Variants in DDHD2 observed in about 807,000 individuals in gnomAD.
The protein encoded by DDHD2 is triacylglycerol hydrolase DDHD2.
A neutral mutation model predicts 91.2 loss-of-function variants in DDHD2; 62 were observed. The ratio of observed to expected loss-of-function variants is 0.68; its 90% CI spans 0.55 to 0.84. The LOEUF is 0.84. DDHD2 is among the 40% of genes least tolerant of loss of function. The pLI, the probability that DDHD2 is intolerant of heterozygous loss-of-function variation, is 0.00. For synonymous variants in DDHD2, 271 were observed against 293.9 expected, an observed-to-expected ratio of 0.92 and a Z score of 0.80; for missense variants, 740 against 846.9, an observed-to-expected ratio of 0.87 and a Z score of 1.57.
downstream of DDHD2, chr8:38,272,804 T>C (rs1260984759): frequency 6.6e-6 from 1 of 152,216 alleles, no homozygotes; most frequent in Non-Finnish European, 1.5e-5. Context: ...GTGAGCAATG[T>C]CTTTTGGAAT....
At chr8:38,267,652 A>C, downstream of DDHD2, 1 of 620,504 alleles carries the variant, frequency 1.6e-6, no homozygotes, top group Non-Finnish European at 2.8e-6. Flanking sequence ...GGAGGTGCTC[A>C]AGAGGACACT....
chr8:38,232,905 A>G, intron 1 of DDHD2, 82 bp from the exon 2 acceptor site: 2 of 886,548 alleles, frequency 2.3e-6, no homozygotes, highest in Non-Finnish European at 3.5e-6. Flanking sequence ...TGGCTCCGTA[A>G]AATGATTAGT....
chr8:38,250,612 C>T (rs1436692261), intron 11 of DDHD2: 1 of 152,030 alleles, frequency 6.6e-6, no homozygotes, highest in African/African-American at 2.4e-5. Flanking sequence ...TGGAATTCTC[C>T]TACCATTTAT....
At position 38,232,978 on chromosome 8, in the gene DDHD2, T is replaced by G; in HGVS notation, c.-8-9T>G. On this transcript the variant is annotated splice_polypyrimidine_tract_variant and intron_variant, in intron 1 of 17. Coordinates refer to ENST00000397166, the MANE Select transcript of DDHD2 (RefSeq NM_015214.3). Reference sequence around the variant, plus strand: ...GTTCGTTTTCCTGATAGTTTTCTTTTGTCTTTAGAGAGCGAAATGTCATCA... The same window carrying G: ...GTTCGTTTTCCTGATAGTTTTCTTTGGTCTTTAGAGAGCGAAATGTCATCA... 1 of 1,607,880 alleles carries G rather than the reference T, an allele frequency of 6.2e-7. No homozygotes were observed. The highest frequency in any genetic ancestry group is 2.2e-5 in the East Asian group (1 of 44,818).
intron 1 of DDHD2, chr8:38,268,468 CAG>C: frequency 6.4e-7 from 1 of 1,563,138 alleles, no homozygotes; most frequent in African/African-American, 1.4e-5. Context: ...TAACCTGAAT[CAG>C]AATGTCAGAG....
chr8:38,242,098 C>T lies in DDHD2; in HGVS notation c.713-152C>T, dbSNP rs1805309608. 3 of 611,166 alleles carry T rather than the reference C, an allele frequency of 4.9e-6. No homozygotes were observed. In the East Asian group the frequency reaches 9.4e-5, roughly 19 times the overall value. 37.9% of individuals were successfully genotyped at this position (611,166 alleles called of 1,614,324 possible). The stretch of plus-strand genomic sequence containing the variant: ...AGAAACATCTTTTCCTATATGCATT[C>T]ATAATTTTTCCTGAATACCACTTTA... On this transcript the variant is annotated intron_variant, in intron 6 of 17. Transcript: ENST00000397166.
In DDHD2 at chr8:38,252,148, C is replaced by G. The variant is rs753206667; in HGVS notation, c.1478C>G (p.Pro493Arg). 8.1e-6 allele frequency: 13 copies of G among 1,613,806 alleles called. No individual in the cohort carries two copies. The highest frequency in any genetic ancestry group is 1.0e-5 in the Non-Finnish European group (12 of 1,179,954). ...VGIGQVSVKY[P>R]RLIYKPEIFF... ...TCCTTTGAGGTGTCTGTGAAATACC[C>G]CCGGCTCATCTATAAACCAGAGATA... Residue 493 changes from proline (P) to arginine (R), a missense_variant, in exon 13 of 18, where the codon CCC becomes CGC. By Grantham distance (103) the Pro-to-Arg change is moderately radical (BLOSUM62 -2). Coordinates refer to ENST00000397166, the MANE Select transcript of DDHD2 (RefSeq NM_015214.3).
chr8:38,257,238 GTTTTTT>G (rs749469533), intron 16 of DDHD2, among the ~76,000 whole-genome samples: 2 of 63,804 alleles, frequency 3.1e-5, no homozygotes, highest in Non-Finnish European at 6.3e-5. Context: ...TGGCCAACAA[GTTTTTT>G]TTTTTTTTTT....
chr8:38,245,667 C>A lies in DDHD2; in HGVS notation c.849-75C>A, dbSNP rs1805580017. 3.1e-5 allele frequency: 41 copies of A among 1,324,294 alleles called. No individual in the cohort carries two copies. The South Asian group carries it at 4.8e-4, about 15-fold the overall frequency. 82.0% of individuals were successfully genotyped at this position (1,324,294 alleles called of 1,614,324 possible). A position where few individuals can be genotyped will look rare whatever the true frequency, so the allele number is the denominator to read the frequency against. On this transcript the variant is annotated intron_variant, in intron 7 of 17. Coordinates refer to ENST00000397166, the MANE Select transcript of DDHD2 (RefSeq NM_015214.3). ...AATTGTTTGTTATAAAATGTTTAAG[C>A]TTGAAGGCTTAAAATTGGAAGCAGC...
chr8:38,250,528 G>A (rs1316389707), intron 11 of DDHD2: 1 of 152,108 alleles, frequency 6.6e-6, no homozygotes, highest in East Asian at 1.9e-4. Flanking sequence ...GCCTCCCAAA[G>A]TGCTGCACCG....
chr8:38,247,759 A>G lies in DDHD2; in HGVS notation c.1172A>G (p.Glu391Gly), dbSNP rs772867386. 2 of 1,576,858 alleles carry G rather than the reference A, an allele frequency of 1.3e-6. No individual in the cohort carries two copies. Among genetic ancestry groups the G allele is most frequent in the Admixed American group, 1.8e-5 (1 of 54,800 alleles). ...VMDQGDTPTL[E>G]EDLKKLQLSE... is the part of the protein sequence containing the mutation. ...GATCAAGGAGATACACCTACACTAG[A>G]GGAAGATTTGAAGAAACTTCAGCTC... The change falls in exon 10 of 18, where the codon GAG becomes GGG. Residue 391 changes from glutamate to glycine, a missense_variant. This residue lies in a region of DDHD2 where 693 missense variants were observed against 764.2 expected (regional missense o/e 0.91). Transcript: ENST00000397166.
chr8:38,259,997 AAGTGTT>A (rs1315329903), intron 16 of DDHD2, 37 bp from the exon 17 acceptor site: 3 of 1,251,652 alleles, frequency 2.4e-6, no homozygotes, highest in South Asian at 1.2e-5. Context: ...CATTTGGCAC[AAGTGTT>A]AGTTCCTTTT....
chr8:38,255,215 C>G (rs557994805), intron 16 of DDHD2: 8 of 191,920 alleles, frequency 4.2e-5, no homozygotes, highest in Non-Finnish European at 7.3e-5. Context: ...AAAAAAAAAG[C>G]AAGCTCAAAG....
chr8:38,268,399 G>A lies in DDHD2; in HGVS notation n.88-2723G>A, dbSNP rs763620893. ...GGCAGGCTTGTCTGCTGTCTCTTGT[G>A]TCTGCCTTCTTGAGAAATTTGGCCA... On this transcript the variant is annotated intron_variant and non_coding_transcript_variant, in intron 1 of 1. Transcript: ENST00000526071. The A allele has an allele frequency of 1.6e-5, 25 of 1,573,474 alleles. No homozygotes were observed. In the South Asian group the frequency reaches 2.2e-4, roughly 14 times the overall value.
In DDHD2 at chr8:38,253,107, C is replaced by CA; in HGVS notation, c.1873dup (p.Thr625AsnfsTer6). The CA allele has an allele frequency of 6.2e-7, 1 of 1,613,828 alleles. No homozygotes were observed. Among genetic ancestry groups the CA allele is most frequent in the Non-Finnish European group, 8.5e-7 (1 of 1,179,888 alleles). On this transcript the variant is annotated frameshift_variant, in exon 15 of 18. Coordinates refer to ENST00000397166, the MANE Select transcript of DDHD2 (RefSeq NM_015214.3). LOFTEE classifies it high-confidence loss of function. ...GAAGAAACTGAAGCAGAACCTGAAT[C>CA]AACTTCAGAGAAGCCTAGTGGTCAG...
At chr8:38,253,362 A>T in intron 15 of DDHD2, 194 bp from the exon 16 acceptor site, 1 of 747,146 alleles carries the variant, frequency 1.3e-6, no homozygotes, top group Non-Finnish European at 2.1e-6. Context: ...CGCAAAAGCA[A>T]AAAAGGGGAT....
At chr8:38,238,064 A>G in intron 4 of DDHD2, 25 bp from the exon 5 acceptor site, 1 of 1,564,186 alleles carries the variant, frequency 6.4e-7, no homozygotes, top group Non-Finnish European at 8.6e-7. Context: ...GAATATTTTT[A>G]TTGCTCTGAT....
intron 1 of DDHD2, chr8:38,269,172 A>C: frequency 6.6e-7 from 1 of 1,506,456 alleles, no homozygotes; most frequent in East Asian, 2.7e-5. Context: ...TCGGCCCCAA[A>C]GGCCACCGCC....
At chr8:38,240,638 A>G (rs1033809255) in intron 6 of DDHD2, among the ~76,000 whole-genome samples, 1 of 152,170 alleles carries the variant, frequency 6.6e-6, no homozygotes, top group Non-Finnish European at 1.5e-5. Context: ...ATTTCTAACT[A>G]TTTCAAATTT....
Sources: allele counts gnomAD v4.1 joint callset (sites outside exome capture counted in the v4.1 genomes callset), GRCh38; gene constraint gnomAD v4.1.1; regional missense constraint gnomAD v4.1.1; transcripts MANE v1.5; gene names NCBI Gene and HGNC (gene_info 2026-07-23, HGNC 2026-07-21).